Variants in KCND3 observed in about 807,000 individuals in gnomAD.
The protein encoded by KCND3 is potassium voltage-gated channel subfamily D member 3, also known as A-type voltage-gated potassium channel KCND3.
In KCND3, 9 loss-of-function variants were observed where a neutral mutation model predicts 51.1. That is an observed-to-expected ratio of 0.18 (90% CI 0.11 to 0.31). The LOEUF (loss-of-function observed/expected upper bound fraction) is 0.31. KCND3 is among the 10% of genes least tolerant of loss of function. The pLI is 1.00. For missense variants in KCND3, 526 were observed against 903.8 expected, an observed-to-expected ratio of 0.58 and a Z score of 5.36; for synonymous variants, 349 against 368.0, an observed-to-expected ratio of 0.95 and a Z score of 0.59.
chr1:111,939,096 A>T (rs188574045), intron 2 of KCND3, among the ~76,000 whole-genome samples: 3 of 152,360 alleles, frequency 2.0e-5, no homozygotes. Context: ...CTGAATCTGC[A>T]CTTAGCAAGA....
In KCND3 at chr1:111,983,000, G is replaced by A. The variant is rs569622713; in HGVS notation, c.-72-202C>T. ...GGAGAACACCTAGCTCCTGGAGCTC[G>A]GCAGGGTGGGATCGCCAGATGTTGC... On this transcript the variant is annotated intron_variant, in intron 1 of 7. Coordinates refer to ENST00000302127, the MANE Select transcript of KCND3 (RefSeq NM_001378969.1). This position sits in a 1 kb window ranked among gnomAD's most constrained non-coding sequence, Gnocchi z 8.5. Among the ~76,000 whole-genome samples the A allele has an allele frequency of 5.3e-5, 8 of 152,254 alleles. No homozygotes were observed. The South Asian group carries it at 1.7e-3, about 32-fold the overall frequency.
chr1:111,930,177 C>T (rs534365788), intron 2 of KCND3, among the ~76,000 whole-genome samples: 1 of 150,498 alleles, frequency 6.6e-6, no homozygotes, highest in African/African-American at 2.4e-5. Flanking sequence ...TTTTTCTAAG[C>T]AGTAAGTTGT....
At chr1:111,805,768 A>G (rs1665537787) in intron 2 of KCND3, among the ~76,000 whole-genome samples, 1 of 152,222 alleles carries the variant, frequency 6.6e-6, no homozygotes, top group African/African-American at 2.4e-5. Context: ...ACCTGTGTGG[A>G]CGGTGTGAAA....
In KCND3 at chr1:111,961,703, G is replaced by C. The variant is rs564437194; in HGVS notation, c.1106+19918C>G. ...CTGGGTATTTTAAGGGAGGCCAGAGGGGGGGCATTTGAAGGTTTCATGGCA... is the reference window on the plus strand; with the variant it reads ...CTGGGTATTTTAAGGGAGGCCAGAGCGGGGGCATTTGAAGGTTTCATGGCA... On this transcript the variant is annotated intron_variant, in intron 2 of 7. Coordinates refer to ENST00000302127, the MANE Select transcript of KCND3 (RefSeq NM_001378969.1). Among the ~76,000 whole-genome samples the C allele has an allele frequency of 7.2e-4, 107 of 148,300 alleles. 1 individual carries two copies. Among genetic ancestry groups the C allele is most frequent in the African/African-American group, 2.6e-3 (98 of 37,854 alleles).
chr1:111,970,372 T>G (rs189122759), intron 2 of KCND3, among the ~76,000 whole-genome samples: 32 of 152,368 alleles, frequency 2.1e-4, no homozygotes, highest in Admixed American at 2.0e-4. Context: ...CACAGATACG[T>G]CTTTGGCCTC....
chr1:111,877,346 C>T (rs1193511570), intron 2 of KCND3, among the ~76,000 whole-genome samples: 2 of 152,232 alleles, frequency 1.3e-5, no homozygotes, highest in African/African-American at 2.4e-5. Context: ...AGCTCCATCA[C>T]ACTGGTTTCC....
intron 2 of KCND3, among the ~76,000 whole-genome samples, chr1:111,858,772 C>T (rs1051900759): frequency 6.6e-6 from 1 of 152,162 alleles, no homozygotes; most frequent in Admixed American, 6.5e-5. Flanking sequence ...CATGATCTGA[C>T]TCCCCACTGC....
In KCND3 at chr1:111,771,267, A is replaced by G. The variant is rs935911827; in HGVS notation, c.*4810T>C. The G allele has an allele frequency of 1.3e-5, 2 of 152,196 alleles. No homozygotes were observed. The highest frequency in any genetic ancestry group is 3.8e-4 in the East Asian group (2 of 5,200). The allele number at this position is 152,196 out of a possible 1,614,324, so 9.4% of individuals were successfully genotyped here. A position where few individuals can be genotyped will look rare whatever the true frequency, so the allele number is the denominator to read the frequency against. On this transcript the variant is annotated 3_prime_UTR_variant, in exon 8 of 8. Coordinates refer to ENST00000302127, the MANE Select transcript of KCND3 (RefSeq NM_001378969.1). ...CTGATAGCCACTTTCTCTTAGTTTT[A>G]ATGATGCTCTTCATGGTGCTGTTTG...
intron 6 of KCND3, 29 bp from the exon 7 acceptor site, chr1:111,777,302 G>C: frequency 6.2e-7 from 1 of 1,612,836 alleles, no homozygotes; most frequent in Non-Finnish European, 8.5e-7. Flanking sequence ...GAAGAAGTAG[G>C]AAAAGGAGGT....
chr1:111,933,188 G>T (rs1201114814), intron 2 of KCND3, among the ~76,000 whole-genome samples: 2 of 152,128 alleles, frequency 1.3e-5, no homozygotes, highest in African/African-American at 4.8e-5. Context: ...GGTGCCTTCT[G>T]CCATGACTGT....
In KCND3 at chr1:111,839,931, G is replaced by A. The variant is rs369356248; in HGVS notation, c.1107-52825C>T. On this transcript the variant is annotated intron_variant, in intron 2 of 7. Coordinates refer to ENST00000302127, the MANE Select transcript of KCND3 (RefSeq NM_001378969.1). Reference sequence around the variant, plus strand: ...TTATTCTGGGTGCCTTAGTCCATTCGAGCTGCTATAACAAAATACCATAAA... The same window carrying A: ...TTATTCTGGGTGCCTTAGTCCATTCAAGCTGCTATAACAAAATACCATAAA... 2.6e-4 allele frequency among the ~76,000 whole-genome samples: 39 copies of A among 152,282 alleles called. No homozygotes were observed. The East Asian group carries it at 5.2e-3, about 20-fold the overall frequency.
At chr1:111,923,405 A>G (rs557586478) in intron 2 of KCND3, among the ~76,000 whole-genome samples, 1 of 152,286 alleles carries the variant, frequency 6.6e-6, no homozygotes, top group East Asian at 1.9e-4. Flanking sequence ...AGATTGCCCT[A>G]TACCCTTCTT....
chr1:111,904,228 C>G (rs1457083066), intron 2 of KCND3, among the ~76,000 whole-genome samples: 1 of 151,928 alleles, frequency 6.6e-6, no homozygotes, highest in Non-Finnish European at 1.5e-5. Context: ...TTGCCCTGGG[C>G]TCTGCCTCTG....
chr1:111,775,818 G>GGCCCCCCCC lies in KCND3; in HGVS notation c.*258_*259insGGGGGGGGC. 5.0e-5 allele frequency: 5 copies of GGCCCCCCCC among 99,728 alleles called. 1 individual carries two copies. The highest frequency in any genetic ancestry group is 4.4e-4 in the Admixed American group (3 of 6,794). The allele number at this position is 99,728 out of a possible 1,614,324, so 6.2% of individuals were successfully genotyped here. On this transcript the variant is annotated 3_prime_UTR_variant, in exon 8 of 8. Transcript: ENST00000302127. ...AGCCTATATCCCCCGGCCTATCCCC[G>GGCCCCCCCC]ACCCCCCCACCCTCCCTCCCTTCCT...
Position 111,907,226 on chromosome 1 carries a change from C to T in KCND3, c.1106+74395G>A, listed in dbSNP as rs555311744. Among the ~76,000 whole-genome samples the T allele has an allele frequency of 1.2e-4, 18 of 152,362 alleles. 1 individual carries two copies. The highest frequency in any genetic ancestry group is 4.1e-4 in the African/African-American group (17 of 41,588). On this transcript the variant is annotated intron_variant, in intron 2 of 7. Transcript: ENST00000302127. Reference sequence around the variant, plus strand: ...CTCAGGGAGTCCCAGATGTTGTCTTCAGATGCAGAAGAGTTAAAAGGCAAT... The same window carrying T: ...CTCAGGGAGTCCCAGATGTTGTCTTTAGATGCAGAAGAGTTAAAAGGCAAT...
Position 111,780,449 on chromosome 1 carries a change from G to A in KCND3, c.1372-135C>T. 1 of 940,400 alleles carries A rather than the reference G, an allele frequency of 1.1e-6. No individual in the cohort carries two copies. The highest frequency in any genetic ancestry group is 1.7e-6 in the Non-Finnish European group (1 of 595,022). The allele number at this position is 940,400 out of a possible 1,614,324, so 58.3% of individuals were successfully genotyped here. A position where few individuals can be genotyped will look rare whatever the true frequency, so the allele number is the denominator to read the frequency against. Reference sequence around the variant, plus strand: ...TTTATTTGACCAAATTTCAGGGTCAGCATTGAATATGCTAACCTTTGGGCT... The same window carrying A: ...TTTATTTGACCAAATTTCAGGGTCAACATTGAATATGCTAACCTTTGGGCT... On this transcript the variant is annotated intron_variant, in intron 4 of 7. Coordinates refer to ENST00000302127, the MANE Select transcript of KCND3 (RefSeq NM_001378969.1). The surrounding 1 kb of genome is among the most constrained non-coding windows in gnomAD (Gnocchi z 4.2).
At position 111,774,671 on chromosome 1, in the gene KCND3, C is replaced by T. The variant is rs1284525662; in HGVS notation, c.*1406G>A. 6.6e-6 allele frequency: 1 copy of T among 152,214 alleles called. No individual in the cohort carries two copies. The highest frequency in any genetic ancestry group is 6.5e-5 in the Admixed American group (1 of 15,280). The allele number at this position is 152,214 out of a possible 1,614,324, so 9.4% of individuals were successfully genotyped here. A position where few individuals can be genotyped will look rare whatever the true frequency, so the allele number is the denominator to read the frequency against. On this transcript the variant is annotated 3_prime_UTR_variant, in exon 8 of 8. Transcript: ENST00000302127. ...ATAGCAGGTAAGAATCATCTAGAAT[C>T]TCTTACTTGCTTTTGCTTTGAAGCA...
intron 2 of KCND3, among the ~76,000 whole-genome samples, chr1:111,966,559 AC>A (rs1674000647): frequency 6.6e-6 from 1 of 152,070 alleles, no homozygotes; most frequent in Non-Finnish European, 1.5e-5. Flanking sequence ...GTGGTGGCTC[AC>A]TGGGGAAGCC....
intron 2 of KCND3, among the ~76,000 whole-genome samples, chr1:111,896,945 T>C (rs1231986398): frequency 6.6e-6 from 1 of 152,206 alleles, no homozygotes; most frequent in African/African-American, 2.4e-5. Flanking sequence ...TTCTGGCACA[T>C]AGGAGGGGCT....
Sources: gnomAD v4.1 joint callset for allele counts (sites outside exome capture counted in the v4.1 genomes callset) on GRCh38, gnomAD v4.1.1 for gene constraint, Gnocchi (gnomAD v3.1) non-coding constraint, MANE v1.5 for transcripts, NCBI Gene and HGNC (gene_info 2026-07-23, HGNC 2026-07-21) for gene names.